SEC16B: variants seen among roughly 807,000 people sequenced by gnomAD.
SEC16B encodes protein transport protein Sec16B.
Under a neutral mutation model 141.8 loss-of-function variants are expected in SEC16B, and 115 were observed. The observed-to-expected ratio is 0.81, with a 90% CI of 0.70 to 0.95. The LOEUF is 0.95. Ranked by LOEUF, SEC16B falls within the 40% of genes least tolerant of loss-of-function variation. SEC16B has a pLI of 0.00. For missense variants in SEC16B, 1,291 were observed against 1,312.3 expected, an observed-to-expected ratio of 0.98 and a Z score of 0.25; for synonymous variants, 493 against 492.5, an observed-to-expected ratio of 1.00 and a Z score of -0.01.
In SEC16B at chr1:177,937,269, T is replaced by C; in HGVS notation, c.2448A>G (p.Thr816=). Residue 816 remains threonine, a synonymous_variant, in exon 19 of 26, where the codon ACA becomes ACG. Coordinates refer to ENST00000308284, the MANE Select transcript of SEC16B (RefSeq NM_033127.4). ...CCCAGACTGTTCCTCCAGTGGCCTCTGTCACTGCCACGCTGCTGCCAGTCC... is the reference window on the plus strand; with the variant it reads ...CCCAGACTGTTCCTCCAGTGGCCTCCGTCACTGCCACGCTGCTGCCAGTCC... ...LPGTGSSVAV[T]EATGGTVWEE... 1 of 1,613,950 alleles carries C rather than the reference T, an allele frequency of 6.2e-7. No homozygotes were observed. The highest frequency in any genetic ancestry group is 8.5e-7 in the Non-Finnish European group (1 of 1,179,868).
chr1:177,948,471 T>A, intron 12 of SEC16B: 1 of 1,304,068 alleles, frequency 7.7e-7, no homozygotes, highest in South Asian at 1.2e-5. Context: ...GAAGTCTAGT[T>A]CCTACTGCCA....
Position 177,954,314 on chromosome 1 carries a change from C to A in SEC16B, c.1428G>T (p.Lys476Asn), listed in dbSNP as rs1176919479. 6.4e-7 allele frequency: 1 copy of A among 1,572,616 alleles called. No homozygotes were observed. The highest frequency in any genetic ancestry group is 8.6e-7 in the Non-Finnish European group (1 of 1,157,982). ...CCCAGCTGTAGGTCTGTGGGTCCAT[C>A]TTGCTGGACAGGAACAAAGCATGGC... ...LWGHALFLSS[K>N]MDPQTYSWVM... Residue 476 changes from lysine (K) to asparagine (N), a missense_variant, in exon 11 of 26, where the codon AAG (lysine) becomes AAT (asparagine). Lys to Asn is a moderately conservative substitution (Grantham distance 94). This residue lies in a region of SEC16B where 681 missense variants were observed against 675.5 expected (regional missense o/e 1.01). Coordinates refer to ENST00000308284, the MANE Select transcript of SEC16B (RefSeq NM_033127.4).
At position 177,941,857 on chromosome 1, in the gene SEC16B, A is replaced by G. The variant is rs73045004; in HGVS notation, c.2022+43T>C. On this transcript the variant is annotated intron_variant, in intron 16 of 25. Coordinates refer to ENST00000308284, the MANE Select transcript of SEC16B (RefSeq NM_033127.4). ...TGCTCTACGATGGCTTTCTCTGAAT[A>G]GTGAAGATAAAACAACTGCACAGAA... 4 of 1,596,094 alleles carry G rather than the reference A, an allele frequency of 2.5e-6. No homozygotes were observed. The African/African-American group carries it at 4.1e-5, about 16-fold the overall frequency.
chr1:177,958,431 A>G, intron 9 of SEC16B, 69 bp from the exon 10 acceptor site: 2 of 1,324,568 alleles, frequency 1.5e-6, no homozygotes, highest in East Asian at 5.0e-5. Context: ...CAGCTGGAGA[A>G]GGAAGGCACC....
intron 5 of SEC16B, among the ~76,000 whole-genome samples, chr1:177,963,288 TAATA>T (rs1241036400): frequency 1.3e-5 from 2 of 151,622 alleles, no homozygotes; most frequent in Non-Finnish European, 2.9e-5. Context: ...GAGACAAGAT[TAATA>T]CAAGACTTTC....
intron 19 of SEC16B, 117 bp from the exon 20 acceptor site, chr1:177,936,482 C>T: frequency 1.1e-6 from 1 of 870,282 alleles, no homozygotes; most frequent in Non-Finnish European, 1.9e-6. Context: ...GCTCGGAGCC[C>T]ATAAGCCCAA....
At chr1:177,974,409 A>G (rs1654085922), upstream of SEC16B, among the ~76,000 whole-genome samples, 2 of 152,230 alleles carry the variant, frequency 1.3e-5, no homozygotes, top group Non-Finnish European at 2.9e-5. Context: ...AGAGGAGCCT[A>G]TGAAAGACAA....
chr1:177,936,514 G>C (rs1409049168), intron 19 of SEC16B, 149 bp from the exon 20 acceptor site: 6 of 688,440 alleles, frequency 8.7e-6, no homozygotes, highest in Admixed American at 2.3e-5. Context: ...CAAATACAAA[G>C]AATGCTCACG....
intron 12 of SEC16B, among the ~76,000 whole-genome samples, chr1:177,949,575 T>A (rs989387829): frequency 6.6e-6 from 1 of 151,572 alleles, no homozygotes; most frequent in Non-Finnish European, 1.5e-5. Flanking sequence ...TTAACGAAAA[T>A]GGGCCAAGCA....
chr1:177,941,891 G>C lies in SEC16B; in HGVS notation c.2022+9C>G. ...AAAACAACTGCACAGAACCCTTTGA[G>C]AGGCTCACCTTGATGAGTTCCACTA... On this transcript the variant is annotated intron_variant, in intron 16 of 25. Transcript: ENST00000308284. 3.7e-6 allele frequency: 6 copies of C among 1,613,210 alleles called. No homozygotes were observed. Among genetic ancestry groups the C allele is most frequent in the Non-Finnish European group, 5.1e-6 (6 of 1,179,542 alleles).
rs762783338 is a variant in SEC16B at position 177,965,158 on chromosome 1, T to C, written c.422A>G (p.Gln141Arg). Residue 141 changes from glutamine (Q) to arginine (R), a missense_variant, in exon 4 of 26, where the codon CAA (glutamine) becomes CGA (arginine). Around this residue, in one of 3 missense-constraint regions of SEC16B, gnomAD observed 681 missense variants for 675.5 expected, o/e 1.01. Coordinates refer to ENST00000308284, the MANE Select transcript of SEC16B (RefSeq NM_033127.4). ...TTCGTGCCAGATATAAGGACTCCGT[T>C]GCCTTGGCACTGCACCCTCAGAGAA... ...QWLQEERVPR[Q>R]RSPYIWHEDY... 1.1e-5 allele frequency: 17 copies of C among 1,613,442 alleles called. No homozygotes were observed. The African/African-American group carries it at 2.3e-4, about 21-fold the overall frequency.
intron 4 of SEC16B, 27 bp downstream of exon 4, chr1:177,965,020 C>A: frequency 6.2e-7 from 1 of 1,611,116 alleles, no homozygotes; most frequent in South Asian, 1.1e-5. Flanking sequence ...AACATCATGT[C>A]AAACTGGCCT....
intron 5 of SEC16B, among the ~76,000 whole-genome samples, chr1:177,963,299 T>C (rs1342618723): frequency 6.6e-6 from 1 of 151,590 alleles, no homozygotes; most frequent in Non-Finnish European, 1.5e-5. Context: ...AATACAAGAC[T>C]TTCAAAATTA....
chr1:177,964,118 G>T, intron 5 of SEC16B, 53 bp downstream of exon 5: 1 of 1,329,082 alleles, frequency 7.5e-7, no homozygotes, highest in Non-Finnish European at 1.1e-6. Context: ...TGCTGACAGT[G>T]TCAGCTGCGA....
At chr1:177,946,226 C>G (rs375663955) in intron 14 of SEC16B, 194 bp downstream of exon 14, 2 of 644,004 alleles carry the variant, frequency 3.1e-6, no homozygotes, top group Admixed American at 4.7e-5. Flanking sequence ...CTGAGGCCCC[C>G]GCCAATGCTG....
At chr1:177,967,635 C>T in intron 2 of SEC16B, 48 bp downstream of exon 2, 2 of 1,477,484 alleles carry the variant, frequency 1.4e-6, no homozygotes, top group Non-Finnish European at 1.8e-6. Context: ...ACAACCTATT[C>T]ATACGCATTT....
chr1:177,967,614 G>C lies in SEC16B; in HGVS notation c.299+69C>G. ...GGGAGAAAAATAAAAGGAAAAGGAA[G>C]AAGGAAAAGAACAACCTATTCATAC... On this transcript the variant is annotated intron_variant, in intron 2 of 25. Transcript: ENST00000308284. 3.6e-6 allele frequency: 5 copies of C among 1,401,262 alleles called. No individual in the cohort carries two copies. In the South Asian group the frequency reaches 8.1e-5, roughly 23 times the overall value. The allele number at this position is 1,401,262 out of a possible 1,614,324, so 86.8% of individuals were successfully genotyped here. A position where few individuals can be genotyped will look rare whatever the true frequency, so the allele number is the denominator to read the frequency against.
intron 12 of SEC16B, chr1:177,948,572 C>T (rs1381593594): frequency 7.7e-7 from 1 of 1,304,264 alleles, no homozygotes; most frequent in Non-Finnish European, 1.0e-6. Context: ...GAGTAAGCAG[C>T]GTGGTGGAAA....
chr1:177,931,951 C>T (rs1220619074), intron 24 of SEC16B, among the ~76,000 whole-genome samples: 3 of 151,916 alleles, frequency 2.0e-5, no homozygotes, highest in Non-Finnish European at 2.9e-5. Flanking sequence ...AGGCTTCCCC[C>T]GAGGAAGCTG....
Sources: gnomAD v4.1 joint callset for allele counts (sites outside exome capture counted in the v4.1 genomes callset) on GRCh38, gnomAD v4.1.1 for gene constraint, gnomAD v4.1.1 regional missense constraint, MANE v1.5 for transcripts, NCBI Gene and HGNC (gene_info 2026-07-23, HGNC 2026-07-21) for gene names.